The following UTP20 variants were observed in gnomAD, a reference collection of about 807,000 sequenced individuals.
UTP20 encodes small subunit processome component 20 homolog.
A neutral mutation model predicts 329.5 loss-of-function variants in UTP20; 164 were observed. The ratio of observed to expected loss-of-function variants is 0.50; its 90% CI spans 0.44 to 0.57. UTP20 has a LOEUF of 0.57. Ranked by LOEUF, UTP20 falls within the 20% of genes least tolerant of loss-of-function variation. The probability of loss-of-function intolerance (pLI) is 0.00; values close to 1 mark genes in which losing one functional copy is unlikely to be tolerated. For synonymous variants in UTP20, 1,151 were observed against 1,159.3 expected, an observed-to-expected ratio of 0.99 and a Z score of 0.14; for missense variants, 3,055 against 3,284.2, an observed-to-expected ratio of 0.93 and a Z score of 1.71.
intron 2 of UTP20, 135 bp from the exon 3 acceptor site, chr12:101,285,435 G>T: frequency 1.1e-6 from 1 of 914,964 alleles, no homozygotes; most frequent in Non-Finnish European, 1.6e-6. Context: ...TTAATGGCCT[G>T]TTTTAAAAAA....
intron 56 of UTP20, among the ~76,000 whole-genome samples, chr12:101,376,129 T>C (rs1870463104): frequency 6.6e-6 from 1 of 152,216 alleles, no homozygotes; most frequent in Non-Finnish European, 1.5e-5. Flanking sequence ...TATATTTCCA[T>C]CCAGTCTTTC....
chr12:101,290,704 ATTAATG>A, intron 7 of UTP20, 23 bp from the exon 8 acceptor site: 1 of 1,582,734 alleles, frequency 6.3e-7, no homozygotes, highest in South Asian at 1.2e-5. Context: ...GAGTTTATAT[ATTAATG>A]TTAATGACTT....
At chr12:101,305,536 A>G (rs866724018) in intron 15 of UTP20, among the ~76,000 whole-genome samples, 23 of 148,082 alleles carry the variant, frequency 1.6e-4, no homozygotes, top group Middle Eastern at 3.6e-3. Flanking sequence ...TAAATATTAT[A>G]TATGTATATA....
In UTP20 at chr12:101,365,629, AGTTGG is replaced by A. The variant is rs1411271735; in HGVS notation, c.6125+5_6125+9del. ...CCCTGTTAACAGAGAAAGAAAAGTA[AGTTGG>A]AAAAAAAACAAACTGTCATTTAGGT... is the stretch of plus-strand genomic sequence containing the variant. On this transcript the variant is annotated splice_donor_5th_base_variant and intron_variant, in intron 46 of 61. Transcript: ENST00000261637. 1.9e-6 allele frequency: 3 copies of A among 1,554,340 alleles called. No individual in the cohort carries two copies. Among genetic ancestry groups the A allele is most frequent in the Admixed American group, 2.2e-5 (1 of 45,966 alleles).
chr12:101,352,013 C>T, intron 38 of UTP20, 42 bp from the exon 39 acceptor site: 1 of 1,604,266 alleles, frequency 6.2e-7, no homozygotes. Context: ...ATTTTATTAG[C>T]AAATACTTGT....
At chr12:101,296,583 A>AAT (rs60197888) in intron 12 of UTP20, among the ~76,000 whole-genome samples, 39 of 148,326 alleles carry the variant, frequency 2.6e-4, no homozygotes, top group African/African-American at 9.5e-4. Context: ...AAAAAAAAAA[A>AAT]GAAAAATACA....
At chr12:101,319,243 A>T (rs1873072090) in intron 22 of UTP20, among the ~76,000 whole-genome samples, 1 of 152,168 alleles carries the variant, frequency 6.6e-6, no homozygotes, top group Admixed American at 6.5e-5. Context: ...ATCTGAGTTT[A>T]ATTTTGGAAT....
chr12:101,308,494 GA>G (rs1359102814), intron 18 of UTP20, 151 bp downstream of exon 18: 1 of 417,476 alleles, frequency 2.4e-6, no homozygotes, highest in Non-Finnish European at 3.4e-6. Context: ...TAGATGCTTT[GA>G]GTTAAACAGC....
chr12:101,365,353 G>C, intron 45 of UTP20, 106 bp from the exon 46 acceptor site: 1 of 774,082 alleles, frequency 1.3e-6, no homozygotes, highest in African/African-American at 1.8e-5. Context: ...TTAGGAGAAA[G>C]CCAAACGTAT....
intron 2 of UTP20, 48 bp from the exon 3 acceptor site, chr12:101,285,522 T>G (rs1236294907): frequency 2.6e-6 from 4 of 1,564,614 alleles, no homozygotes; most frequent in Non-Finnish European, 3.5e-6. Flanking sequence ...ACCTTGATCA[T>G]TGCTTTCTTA....
rs748400550 is a variant in UTP20 at position 101,367,904 on chromosome 12, T to G, written c.6312T>G (p.Gly2104=). 3.6e-5 allele frequency: 58 copies of G among 1,613,772 alleles called. No individual in the cohort carries two copies. The African/African-American group carries it at 7.5e-4, about 21-fold the overall frequency. Residue 2104 remains glycine (G), a synonymous_variant, in exon 48 of 62, where the codon GGT becomes GGG. Transcript: ENST00000261637. ...AGACTTCCAAGATCAAGTCTTCAGG[T>G]GAATGTGTCCTGGAAATGCTGGATC... ...SLKTSKIKSS[G]ECVLEMLDPF...
At chr12:101,381,403 C>T (rs534273706) in intron 58 of UTP20, among the ~76,000 whole-genome samples, 192 bp downstream of exon 58, 8 of 152,140 alleles carry the variant, frequency 5.3e-5, no homozygotes, top group South Asian at 2.1e-4. Context: ...GGCATGGTTG[C>T]GGGTGCCTGT....
At chr12:101,293,050 C>T (rs1419955249) in intron 10 of UTP20, 118 bp from the exon 11 acceptor site, 6 of 979,140 alleles carry the variant, frequency 6.1e-6, no homozygotes, top group Non-Finnish European at 7.8e-6. Context: ...GAAGGCCGGG[C>T]AACTGGACAG....
chr12:101,346,340 G>A (rs191238625), intron 37 of UTP20, 111 bp from the exon 38 acceptor site: 8 of 1,309,844 alleles, frequency 6.1e-6, no homozygotes, highest in Admixed American at 5.4e-5. Flanking sequence ...ATGAGCCACC[G>A]CACCTGGCCA....
In UTP20 at chr12:101,280,112, C is replaced by T. The variant is rs965719209; in HGVS notation, c.-171C>T. ...TTTCCGTCCACGTGACCCACTCAGG[C>T]TCCTCCTTGTCTCCAACATGGCGGC... On this transcript the variant is annotated 5_prime_UTR_variant, in exon 1 of 62. Transcript: ENST00000261637. 9.8e-5 allele frequency: 78 copies of T among 794,984 alleles called. No homozygotes were observed. The highest frequency in any genetic ancestry group is 1.4e-4 in the Non-Finnish European group (73 of 508,252). The allele number at this position is 794,984 out of a possible 1,614,324, so 49.2% of individuals were successfully genotyped here.
Position 101,361,950 on chromosome 12 carries a change from G to T in UTP20, c.5692-12G>T. On this transcript the variant is annotated splice_polypyrimidine_tract_variant and intron_variant, in intron 43 of 61. Transcript: ENST00000261637. Reference sequence around the variant, plus strand: ...GTTAATATTCATGTTGTTGCTGTGTGTCTCATGTTAGGTCCATGTGCTGAC... The same window carrying T: ...GTTAATATTCATGTTGTTGCTGTGTTTCTCATGTTAGGTCCATGTGCTGAC... 6.2e-7 allele frequency: 1 copy of T among 1,606,100 alleles called. No homozygotes were observed. Among genetic ancestry groups the T allele is most frequent in the Non-Finnish European group, 8.5e-7 (1 of 1,173,108 alleles).
At position 101,373,726 on chromosome 12, in the gene UTP20, T is replaced by G. The variant is rs1332571860; in HGVS notation, c.7090T>G (p.Trp2364Gly). The stretch of plus-strand genomic sequence containing the variant: ...TAAAATCAGCCTCGAGAAAAAAGAT[T>G]GGCTGTTTGATATGGTTACCACTTG... ...LGKISLEKKD[W>G]LFDMVTTWFG... is the part of the protein sequence containing the mutation. The change falls in exon 54 of 62, where the codon TGG becomes GGG. Residue 2364 changes from tryptophan to glycine, a missense_variant. Trp to Gly is a radical substitution (Grantham distance 184). Transcript: ENST00000261637. 1 of 1,611,814 alleles carries G rather than the reference T, an allele frequency of 6.2e-7. No homozygotes were observed. The highest frequency in any genetic ancestry group is 2.2e-5 in the East Asian group (1 of 44,878).
At chr12:101,338,699 ATTTAAC>A in intron 30 of UTP20, 108 bp from the exon 31 acceptor site, 1 of 867,226 alleles carries the variant, frequency 1.2e-6, no homozygotes, top group Non-Finnish European at 1.6e-6. Flanking sequence ...TAGAATTGAA[ATTTAAC>A]TTAAATGTTC....
intron 25 of UTP20, among the ~76,000 whole-genome samples, chr12:101,326,683 A>G (rs1255846486): frequency 1.3e-5 from 2 of 151,774 alleles, no homozygotes; most frequent in East Asian, 1.9e-4. Context: ...TTTTTCTCCC[A>G]TAACAAACCA....
Sources: allele counts gnomAD v4.1 joint callset (sites outside exome capture counted in the v4.1 genomes callset), GRCh38; gene constraint gnomAD v4.1.1; transcripts MANE v1.5; gene names NCBI Gene and HGNC (gene_info 2026-07-23, HGNC 2026-07-21).